INHBA: variants seen among roughly 807,000 people sequenced by gnomAD.
INHBA encodes inhibin beta A chain.
In INHBA, 1 loss-of-function variant was observed where a neutral mutation model predicts 29.0. The observed-to-expected ratio is 0.03, with a 90% confidence interval of 0.01 to 0.16. The LOEUF (loss-of-function observed/expected upper bound fraction) is 0.16. INHBA is among the 10% of genes least tolerant of loss of function. INHBA has a pLI of 1.00. For synonymous variants in INHBA, 242 were observed against 216.8 expected (o/e 1.12, Z -1.02); for missense variants, 376 against 545.4 (o/e 0.69, Z 3.09).
intron 1 of INHBA, among the ~76,000 whole-genome samples, chr7:41,701,026 A>G (rs978035248): frequency 2.6e-5 from 4 of 152,032 alleles, no homozygotes; most frequent in African/African-American, 4.8e-5. Context: ...CTCTTCAAAT[A>G]TCACCATTTT....
chr7:41,703,782 CACACACACACA>C (rs1562572944), upstream of INHBA, among the ~76,000 whole-genome samples: 1 of 151,090 alleles, frequency 6.6e-6, no homozygotes, highest in African/African-American at 2.4e-5. Flanking sequence ...CACACACACA[CACACACACACA>C]ACAACAACAA....
intron 2 of INHBA, among the ~76,000 whole-genome samples, chr7:41,696,719 A>G (rs78656431): frequency 1.1e-4 from 16 of 152,234 alleles, no homozygotes; most frequent in Middle Eastern, 3.4e-3. Context: ...GGAAGGTGGG[A>G]TTGGAATGGT....
rs1794750059 is a variant in INHBA at position 41,700,321 on chromosome 7, C to T, written c.54G>A (p.Val18=). 2 of 1,527,856 alleles carry T rather than the reference C, an allele frequency of 1.3e-6. No individual in the cohort carries two copies. Among genetic ancestry groups the T allele is most frequent in the South Asian group, 1.3e-5 (1 of 78,048 alleles). The allele number at this position is 1,527,856 out of a possible 1,614,324, so 94.6% of individuals were successfully genotyped here. A position where few individuals can be genotyped will look rare whatever the true frequency, so the allele number is the denominator to read the frequency against. Reference sequence around the variant, plus strand: ...CGGATCCTGGGGTGGGGGAACTCCTCACTATAATCCAGCAACTTGCCAACA... The same window carrying T: ...CGGATCCTGGGGTGGGGGAACTCCTTACTATAATCCAGCAACTTGCCAACA... The part of the protein sequence containing the change: ...GFLLASCWII[V]RSSPTPGSEG... The change falls in exon 2 of 3, where the codon GTG becomes GTA. Residue 18 remains valine (V), a synonymous_variant. Transcript: ENST00000242208.
Position 41,690,094 on chromosome 7 carries a change from T to C in INHBA, c.837A>G (p.Ala279=). Residue 279 remains alanine, a synonymous_variant, in exon 3 of 3, where the codon GCA becomes GCG. Transcript: ENST00000242208. ...GKKKGGGEGG[A]GADEEKEQSH... ...ACTGCTCCTTTTCCTCATCTGCTCCTGCCCCACCTTCACCTCCGCCCTTCT... is the reference window on the plus strand; with the variant it reads ...ACTGCTCCTTTTCCTCATCTGCTCCCGCCCCACCTTCACCTCCGCCCTTCT... The C allele has an allele frequency of 6.2e-7, 1 of 1,613,874 alleles. No individual in the cohort carries two copies. Among genetic ancestry groups the C allele is most frequent in the Non-Finnish European group, 8.5e-7 (1 of 1,180,000 alleles).
intron 2 of INHBA, 129 bp from the exon 3 acceptor site, chr7:41,690,671 A>C: frequency 5.9e-6 from 7 of 1,189,666 alleles, no homozygotes; most frequent in Middle Eastern, 5.6e-4. Context: ...TCAACAAATG[A>C]CAGCCCATGG....
intron 1 of INHBA, among the ~76,000 whole-genome samples, chr7:41,700,880 A>AG: frequency 8.5e-6 from 1 of 117,216 alleles, no homozygotes; most frequent in South Asian, 2.8e-4. Context: ...AGAGAGAGAA[A>AG]GGATTGGCCC....
intron 2 of INHBA, among the ~76,000 whole-genome samples, chr7:41,694,382 T>G (rs1562567840): frequency 6.6e-6 from 1 of 152,180 alleles, no homozygotes; most frequent in Admixed American, 6.5e-5. Flanking sequence ...TCCTCCAATC[T>G]CCATGCATAA....
rs78465920 is a variant in INHBA at position 41,698,564 on chromosome 7, C to T, written c.388+1423G>A. On this transcript the variant is annotated intron_variant, in intron 2 of 2. Coordinates refer to ENST00000242208, the MANE Select transcript of INHBA (RefSeq NM_002192.4). Reference sequence around the variant, plus strand: ...CTCAAAAAGCTCCAGAAGATAAAGTCCTAATGATCATGCCTTTTGGGGCTG... The same window carrying T: ...CTCAAAAAGCTCCAGAAGATAAAGTTCTAATGATCATGCCTTTTGGGGCTG... Among the ~76,000 whole-genome samples the T allele has an allele frequency of 6.6e-3, 1,002 of 152,264 alleles. 9 individuals carry two copies. Among genetic ancestry groups the T allele is most frequent in the African/African-American group, 0.022 (924 of 41,546 alleles).
At chr7:41,699,945 A>ACCCC in intron 2 of INHBA, 42 bp downstream of exon 2, 1 of 87,008 alleles carries the variant, frequency 1.1e-5, no homozygotes, top group East Asian at 2.6e-4. Flanking sequence ...TTACCCTCCC[A>ACCCC]CCCCCCACCC....
rs942982028 is a variant in INHBA, at chr7:41,687,180, T to C, written c.*2470A>G. 3 of 152,228 alleles carry C rather than the reference T, an allele frequency of 2.0e-5. No homozygotes were observed. Among genetic ancestry groups the C allele is most frequent in the African/African-American group, 4.8e-5 (2 of 41,472 alleles). 9.4% of individuals were successfully genotyped at this position (152,228 alleles called of 1,614,324 possible). On this transcript the variant is annotated 3_prime_UTR_variant, in exon 3 of 3. Coordinates refer to ENST00000242208, the MANE Select transcript of INHBA (RefSeq NM_002192.4). The stretch of plus-strand genomic sequence containing the variant: ...GCCCAGTAGTGACATTGCCTACATA[T>C]AGCCAAGTGTTATAGTATACCAACT...
At chr7:41,693,824 T>C (rs143134729) in intron 2 of INHBA, 2 of 152,220 alleles carry the variant, frequency 1.3e-5, no homozygotes, top group Middle Eastern at 3.2e-3. Context: ...AAAGACTCTG[T>C]TCCCTGTATT....
Position 41,685,820 on chromosome 7 carries a change from G to A in INHBA, c.*3830C>T, listed in dbSNP as rs1794383564. ...CATACAACAGCTTCTCAGTGATACA[G>A]GGTTTAATTTAAACACATACAATGT... On this transcript the variant is annotated 3_prime_UTR_variant, in exon 3 of 3. Coordinates refer to ENST00000242208, the MANE Select transcript of INHBA (RefSeq NM_002192.4). 1 of 152,074 alleles carries A rather than the reference G, an allele frequency of 6.6e-6. No individual in the cohort carries two copies. Among genetic ancestry groups the A allele is most frequent in the African/African-American group, 2.4e-5 (1 of 41,420 alleles). The allele number at this position is 152,074 out of a possible 1,614,324, so 9.4% of individuals were successfully genotyped here.
At chr7:41,701,017 T>A (rs902908079) in intron 1 of INHBA, among the ~76,000 whole-genome samples, 10 of 152,146 alleles carry the variant, frequency 6.6e-5, no homozygotes, top group African/African-American at 2.2e-4. Flanking sequence ...CAGACACCTC[T>A]CTTCAAATAT....
rs762653354 is a variant in INHBA at position 41,700,158 on chromosome 7, C to T, written c.217G>A (p.Asp73Asn). 6.2e-7 allele frequency: 1 copy of T among 1,614,082 alleles called. No homozygotes were observed. The highest frequency in any genetic ancestry group is 2.2e-5 in the East Asian group (1 of 44,858). The change falls in exon 2 of 3, where the codon GAT (aspartate) becomes AAT (asparagine). Residue 73 changes from aspartate to asparagine, a missense_variant. Transcript: ENST00000242208. Reference sequence around the variant, plus strand: ...GCCTTGGGTACCGGCTGGGTGACATCGGGTCTCTTCTTCAAGTGCAGCATG... The same window carrying T: ...GCCTTGGGTACCGGCTGGGTGACATTGGGTCTCTTCTTCAAGTGCAGCATG... ...LNMLHLKKRP[D>N]VTQPVPKAAL...
At chr7:41,699,176 C>T (rs946214837) in intron 2 of INHBA, among the ~76,000 whole-genome samples, 3 of 152,234 alleles carry the variant, frequency 2.0e-5, no homozygotes, top group Non-Finnish European at 4.4e-5. Context: ...AAAGTTCTTC[C>T]TCTTAAGGAT....
chr7:41,700,917 G>A (rs937228604), intron 1 of INHBA, among the ~76,000 whole-genome samples: 2 of 149,902 alleles, frequency 1.3e-5, no homozygotes, highest in Non-Finnish European at 3.0e-5. Context: ...TGGAGAGGGA[G>A]GGAGTTTGCT....
At chr7:41,704,116 A>G (rs1433009914), upstream of INHBA, among the ~76,000 whole-genome samples, 1 of 152,232 alleles carries the variant, frequency 6.6e-6, no homozygotes, top group South Asian at 2.1e-4. Context: ...ATGACCAGAT[A>G]TGTTGTTTTG....
rs890760904 is a variant in INHBA at position 41,690,073 on chromosome 7, C to T, written c.858G>A (p.Glu286=). The stretch of plus-strand genomic sequence containing the variant: ...GCATGAGGAAAGGTCTGTGCGACTG[C>T]TCCTTTTCCTCATCTGCTCCTGCCC... The part of the protein sequence containing the change: ...EGGAGADEEK[E]QSHRPFLMLQ... The change falls in exon 3 of 3, where the codon GAG becomes GAA. Residue 286 remains glutamate (E), a synonymous_variant. Coordinates refer to ENST00000242208, the MANE Select transcript of INHBA (RefSeq NM_002192.4). The T allele has an allele frequency of 1.9e-6, 3 of 1,613,854 alleles. No homozygotes were observed. The highest frequency in any genetic ancestry group is 1.3e-5 in the African/African-American group (1 of 74,930).
At chr7:41,701,218 C>T (rs914488203) in intron 1 of INHBA, among the ~76,000 whole-genome samples, 27 of 152,118 alleles carry the variant, frequency 1.8e-4, no homozygotes, top group African/African-American at 6.3e-4. Context: ...GTTCCCACCG[C>T]CCCTCCACCC....
Sources: gnomAD v4.1 joint callset for allele counts (sites outside exome capture counted in the v4.1 genomes callset) on GRCh38, gnomAD v4.1.1 for gene constraint, MANE v1.5 for transcripts, NCBI Gene and HGNC (gene_info 2026-07-23, HGNC 2026-07-21) for gene names.